BRAF: variants seen among roughly 807,000 people sequenced by gnomAD.
BRAF encodes B-Raf proto-oncogene, serine/threonine kinase.
Under a neutral mutation model 104.6 loss-of-function variants are expected in BRAF, and 16 were observed. That is an observed-to-expected ratio of 0.15 (90% CI 0.10 to 0.23). The LOEUF is 0.23. Among genes scored for constraint, BRAF ranks in the 10% least tolerant of loss-of-function variants. The pLI is 1.00. For missense variants in BRAF, 541 were observed against 937.3 expected (o/e 0.58, Z 5.52); for synonymous variants, 310 against 341.6 (o/e 0.91, Z 1.02).
chr7:140,779,506 A>G (rs1218065664), intron 12 of BRAF, among the ~76,000 whole-genome samples: 3 of 152,198 alleles, frequency 2.0e-5, no homozygotes, highest in Non-Finnish European at 4.4e-5. Context: ...GAATATTTTG[A>G]TTATACTTAC....
chr7:140,900,724 C>T (rs188287179), intron 1 of BRAF, among the ~76,000 whole-genome samples: 199 of 152,254 alleles, frequency 1.3e-3, no homozygotes, highest in African/African-American at 4.5e-3. Flanking sequence ...GATTCTTGGG[C>T]CTCAACCTCC....
At chr7:140,750,297 T>C (rs941843939) in intron 16 of BRAF, among the ~76,000 whole-genome samples, 10 of 152,194 alleles carry the variant, frequency 6.6e-5, no homozygotes, top group Non-Finnish European at 1.3e-4. Context: ...CAAAAATGAC[T>C]GAAAGACCTG....
intron 3 of BRAF, among the ~76,000 whole-genome samples, chr7:140,812,224 T>A (rs1006572549): frequency 6.8e-6 from 1 of 147,562 alleles, no homozygotes; most frequent in Non-Finnish European, 1.5e-5. Flanking sequence ...GAGAAAGACT[T>A]CTGAGAATCT....
chr7:140,801,454 C>G lies in BRAF; in HGVS notation c.818G>C (p.Ser273Thr). The G allele has an allele frequency of 6.2e-7, 1 of 1,613,968 alleles. No individual in the cohort carries two copies. The change falls in exon 6 of 20, where the codon AGT (serine) becomes ACT (threonine). Residue 273 changes from serine to threonine, a missense_variant. Ser to Thr is a moderately conservative substitution (Grantham distance 58, BLOSUM62 1). Transcript: ENST00000644969. The stretch of plus-strand genomic sequence containing the variant: ...AACACACATCAGTGGAACTTCTGTA[C>G]TACAACGCTGGTGAAATTTATAACC... ...TCGYKFHQRC[S>T]TEVPLMCVNY... is the part of the protein sequence containing the mutation.
At chr7:140,802,524 C>T (rs1350765099) in intron 5 of BRAF, among the ~76,000 whole-genome samples, 1 of 151,918 alleles carries the variant, frequency 6.6e-6, no homozygotes, top group African/African-American at 2.4e-5. Flanking sequence ...TCTTGAACTC[C>T]TGACCTCAGG....
At chr7:140,896,517 T>C (rs935803554) in intron 1 of BRAF, among the ~76,000 whole-genome samples, 18 of 151,310 alleles carry the variant, frequency 1.2e-4, no homozygotes, top group Admixed American at 2.6e-4. Flanking sequence ...TCACCTGAGG[T>C]CAAGAGTTTG....
chr7:140,734,526 C>T, intron 19 of BRAF: 1 of 1,610,190 alleles, frequency 6.2e-7, no homozygotes, highest in Non-Finnish European at 8.5e-7. Flanking sequence ...TTCAATTTAA[C>T]ATATAAGCAA....
At chr7:140,772,449 C>T (rs763456315) in intron 14 of BRAF, among the ~76,000 whole-genome samples, 1 of 152,018 alleles carries the variant, frequency 6.6e-6, no homozygotes, top group African/African-American at 2.4e-5. Flanking sequence ...TGGCGAAACT[C>T]TGTCTCTACA....
chr7:140,874,338 A>G (rs1218933781), intron 1 of BRAF, among the ~76,000 whole-genome samples: 1 of 151,220 alleles, frequency 6.6e-6, no homozygotes, highest in African/African-American at 2.4e-5. Context: ...GGTAGCTGGG[A>G]TTACAGGCAC....
Position 140,829,238 on chromosome 7 carries a change from CATCT to C in BRAF, c.504+5367_504+5370del, listed in dbSNP as rs1417137045. Among the ~76,000 whole-genome samples, 5 of 149,976 alleles carry C rather than the reference CATCT, an allele frequency of 3.3e-5. No individual in the cohort carries two copies. In the East Asian group the frequency reaches 9.7e-4, roughly 29 times the overall value. Reference sequence around the variant, plus strand: ...CATAATTTCAAAATTGTATTTAATCCATCTGTCTCCTACAGCTTTTGAGCTAATT... The same window carrying C: ...CATAATTTCAAAATTGTATTTAATCCGTCTCCTACAGCTTTTGAGCTAATT... On this transcript the variant is annotated intron_variant, in intron 3 of 19. Transcript: ENST00000644969.
intron 18 of BRAF, among the ~76,000 whole-genome samples, chr7:140,736,863 T>A (rs929014586): frequency 2.0e-5 from 3 of 151,896 alleles, no homozygotes; most frequent in Non-Finnish European, 4.4e-5. Flanking sequence ...ATAGTGAGAA[T>A]CTATCTCTAC....
intron 18 of BRAF, 60 bp from the exon 18 acceptor site, chr7:140,734,830 AAG>A (rs2130872085): frequency 6.8e-7 from 1 of 1,470,214 alleles, no homozygotes. Flanking sequence ...AAAAGAAAGA[AAG>A]AAAAAGAAAA....
chr7:140,740,125 G>A (rs1796788060), intron 17 of BRAF, 179 bp from the exon 17 acceptor site: 2 of 632,604 alleles, frequency 3.2e-6, no homozygotes, highest in Non-Finnish European at 5.4e-6. Context: ...ACCCACAAAA[G>A]GAGTGCAAGC....
At chr7:140,752,322 AT>A (rs1383911648) in intron 16 of BRAF, among the ~76,000 whole-genome samples, 1 of 152,184 alleles carries the variant, frequency 6.6e-6, no homozygotes, top group Non-Finnish European at 1.5e-5. Context: ...TCCAGCCACC[AT>A]GAGTGGCCTG....
intron 1 of BRAF, among the ~76,000 whole-genome samples, chr7:140,857,554 G>A (rs76376470): frequency 0.011 from 1,739 of 152,152 alleles, 39 homozygotes; most frequent in African/African-American, 0.039. Flanking sequence ...ACCTAAATAA[G>A]CATTTAGGTT....
intron 5 of BRAF, among the ~76,000 whole-genome samples, chr7:140,806,391 C>A (rs1004986804): frequency 6.6e-6 from 1 of 151,986 alleles, no homozygotes; most frequent in Non-Finnish European, 1.5e-5. Context: ...TTGTCATATC[C>A]CTAGGTAAGA....
At chr7:140,813,971 C>T (rs1310097965) in intron 3 of BRAF, among the ~76,000 whole-genome samples, 1 of 151,842 alleles carries the variant, frequency 6.6e-6, no homozygotes, top group African/African-American at 2.4e-5. Context: ...TATATTTAGG[C>T]CAGGGTGAAA....
At chr7:140,734,157 T>C in intron 19 of BRAF, 1 of 1,066,952 alleles carries the variant, frequency 9.4e-7, no homozygotes, top group Non-Finnish European at 1.1e-6. Flanking sequence ...AAATTAGATC[T>C]GTTCAGTTTG....
At chr7:140,804,251 C>A (rs1398227168) in intron 5 of BRAF, among the ~76,000 whole-genome samples, 2 of 151,016 alleles carry the variant, frequency 1.3e-5, no homozygotes, top group Non-Finnish European at 3.0e-5. Flanking sequence ...GTCACCCAGG[C>A]CGGAGTGCAG....
Sources: allele counts gnomAD v4.1 joint callset (sites outside exome capture counted in the v4.1 genomes callset), GRCh38; gene constraint gnomAD v4.1.1; transcripts MANE v1.5; gene names NCBI Gene and HGNC (gene_info 2026-07-23, HGNC 2026-07-21).